Variants in TENM3 observed in about 807,000 individuals in gnomAD.
TENM3 encodes the protein teneurin transmembrane protein 3, also known as teneurin-3.
In TENM3, 63 loss-of-function variants were observed where a neutral mutation model predicts 255.1. That is an observed-to-expected ratio of 0.25 (90% CI 0.20 to 0.30). The LOEUF is 0.30. TENM3 is among the 10% of genes least tolerant of loss of function. TENM3 has a pLI of 1.00. For synonymous variants in TENM3, 1,306 were observed against 1,322.3 expected (o/e 0.99, Z 0.27); for missense variants, 2,929 against 3,461.1 (o/e 0.85, Z 3.86).
chr4:181,838,082 G>A, the TENM3 span, among the ~76,000 whole-genome samples: 1 of 151,810 alleles, frequency 6.6e-6, no homozygotes, highest in Non-Finnish European at 1.5e-5. Flanking sequence ...AGCTTGCAAT[G>A]AGCAGAGATC....
At chr4:182,557,653 G>GT (rs1345370368) in intron 3 of TENM3, among the ~76,000 whole-genome samples, 1 of 152,024 alleles carries the variant, frequency 6.6e-6, no homozygotes, top group African/African-American at 2.4e-5. Context: ...AAGCCACAGG[G>GT]TACAACATTT....
chr4:181,639,171 C>T, the TENM3 span, among the ~76,000 whole-genome samples: 1 of 152,160 alleles, frequency 6.6e-6, no homozygotes, highest in Admixed American at 6.5e-5. Flanking sequence ...GAGCAAAAAG[C>T]TATGGGAAAT....
At chr4:182,268,370 A>G (rs535141013) in intron 1 of TENM3, among the ~76,000 whole-genome samples, 5 of 152,260 alleles carry the variant, frequency 3.3e-5, no homozygotes, top group Admixed American at 2.6e-4. Context: ...AGGCAAAAAT[A>G]TCATTGCCCC....
At chr4:182,510,595 T>C (rs1357579730) in intron 3 of TENM3, among the ~76,000 whole-genome samples, 1 of 152,210 alleles carries the variant, frequency 6.6e-6, no homozygotes, top group African/African-American at 2.4e-5. Context: ...ATAATGTGAA[T>C]CTTACAATCA....
At chr4:182,317,331 ACT>A (rs1491201338) in intron 1 of TENM3, among the ~76,000 whole-genome samples, 1 of 151,700 alleles carries the variant, frequency 6.6e-6, no homozygotes, top group East Asian at 1.9e-4. Flanking sequence ...ACAGGGTCTT[ACT>A]CTGTCTCCGA....
At chr4:182,347,049 TC>T in intron 3 of TENM3, 120 bp downstream of exon 3, 2 of 903,916 alleles carry the variant, frequency 2.2e-6, no homozygotes, top group Non-Finnish European at 1.6e-6. Flanking sequence ...TCTCTCTCTT[TC>T]TTGTCCATTT....
chr4:182,589,698 C>T lies in TENM3; in HGVS notation c.512-11226C>T, dbSNP rs529433881. ...CTTTTAAAAACGGTTTGCGGCCGGG[C>T]GCAGTGGCTCACGCCTGTAATCCCA... On this transcript the variant is annotated intron_variant, in intron 3 of 27. Transcript: ENST00000511685. Among the ~76,000 whole-genome samples the T allele has an allele frequency of 3.6e-4, 55 of 152,168 alleles. No homozygotes were observed. The East Asian group carries it at 9.1e-3, about 25-fold the overall frequency.
At chr4:182,282,923 G>GT (rs1760486637) in intron 1 of TENM3, among the ~76,000 whole-genome samples, 1 of 148,952 alleles carries the variant, frequency 6.7e-6, no homozygotes, top group Non-Finnish European at 1.5e-5. Flanking sequence ...AAAATTTATA[G>GT]TTAAATATCT....
chr4:181,630,917 CA>C, the TENM3 span, among the ~76,000 whole-genome samples: 7 of 152,072 alleles, frequency 4.6e-5, no homozygotes, highest in African/African-American at 7.2e-5. Flanking sequence ...TGCTGCATAA[CA>C]AAATTCTACA....
At chr4:181,829,465 G>C in the TENM3 span, among the ~76,000 whole-genome samples, 1 of 152,196 alleles carries the variant, frequency 6.6e-6, no homozygotes, top group Admixed American at 6.5e-5. Context: ...ATAGTTTGGG[G>C]TTTGGTCCTG....
chr4:181,885,560 C>T, the TENM3 span, among the ~76,000 whole-genome samples: 5 of 152,002 alleles, frequency 3.3e-5, no homozygotes, highest in East Asian at 3.9e-4. Flanking sequence ...CGCGCCTGGC[C>T]GAGATTCAAG....
intron 3 of TENM3, among the ~76,000 whole-genome samples, chr4:182,468,252 A>G (rs1195018391): frequency 1.3e-5 from 2 of 152,208 alleles, no homozygotes; most frequent in Non-Finnish European, 2.9e-5. Context: ...AAAAGGCATT[A>G]CATAACAAAA....
chr4:182,349,093 A>G (rs1395622384), intron 3 of TENM3, among the ~76,000 whole-genome samples: 1 of 152,206 alleles, frequency 6.6e-6, no homozygotes, highest in Admixed American at 6.5e-5. Context: ...AACATTTGGC[A>G]GCATTTGTTG....
chr4:181,964,504 T>C, the TENM3 span, among the ~76,000 whole-genome samples: 2 of 152,010 alleles, frequency 1.3e-5, no homozygotes, highest in African/African-American at 4.8e-5. Flanking sequence ...TACAGTAGCA[T>C]TGCTTTCTCC....
chr4:182,413,868 G>T (rs1407270126), intron 3 of TENM3, among the ~76,000 whole-genome samples: 1 of 152,020 alleles, frequency 6.6e-6, no homozygotes, highest in Non-Finnish European at 1.5e-5. Context: ...TCCTATCTTA[G>T]AAGACCTTTC....
intron 12 of TENM3, among the ~76,000 whole-genome samples, chr4:182,712,042 C>T (rs1023439324): frequency 2.6e-5 from 4 of 151,910 alleles, no homozygotes; most frequent in African/African-American, 7.3e-5. Flanking sequence ...AGAGAAATTT[C>T]GTTTATTTCA....
At chr4:182,787,156 T>C (rs981609254) in intron 24 of TENM3, among the ~76,000 whole-genome samples, 1 of 152,218 alleles carries the variant, frequency 6.6e-6, no homozygotes, top group African/African-American at 2.4e-5. Context: ...GCAACTGATA[T>C]GCAGACAGTT....
the TENM3 span, among the ~76,000 whole-genome samples, chr4:182,048,787 A>T: frequency 6.6e-6 from 1 of 152,178 alleles, no homozygotes; most frequent in Non-Finnish European, 1.5e-5. Context: ...AGAGCAGATG[A>T]TGCTTTTGAA....
At chr4:182,686,457 G>A (rs927480139) in intron 11 of TENM3, among the ~76,000 whole-genome samples, 1 of 152,046 alleles carries the variant, frequency 6.6e-6, no homozygotes, top group African/African-American at 2.4e-5. Flanking sequence ...GAATTTCTAA[G>A]TGAATCCTAA....
Sources: gnomAD v4.1 joint callset for allele counts (sites outside exome capture counted in the v4.1 genomes callset) on GRCh38, gnomAD v4.1.1 for gene constraint, MANE v1.5 for transcripts, NCBI Gene and HGNC (gene_info 2026-07-23, HGNC 2026-07-21) for gene names.